Variants in SORBS2 observed in about 807,000 individuals in gnomAD.
SORBS2 encodes the protein sorbin and SH3 domain-containing protein 2.
Under a neutral mutation model 97.7 loss-of-function variants are expected in SORBS2, and 46 were observed. That is an observed-to-expected ratio of 0.47 (90% CI 0.37 to 0.60). SORBS2 has a LOEUF of 0.60. Among genes scored for constraint, SORBS2 ranks in the 20% least tolerant of loss-of-function variants. The probability of loss-of-function intolerance (pLI) is 0.00; values close to 1 mark genes in which losing one functional copy is unlikely to be tolerated. For missense variants in SORBS2, 1,316 were observed against 1,282.3 expected (o/e 1.03, Z -0.40); for synonymous variants, 476 against 473.4 (o/e 1.01, Z -0.07).
At chr4:185,626,522 T>C (rs912241542) in intron 6 of SORBS2, among the ~76,000 whole-genome samples, 1 of 152,264 alleles carries the variant, frequency 6.6e-6, no homozygotes, top group Admixed American at 6.5e-5. Flanking sequence ...TATATGTCAA[T>C]GTTTACAAAA....
rs2096828755 is a variant in SORBS2, at chr4:185,627,150, G to A, written c.447-131C>T. On this transcript the variant is annotated intron_variant, in intron 5 of 14. Transcript: ENST00000418609. ...TCTATCCCCAAAACTGCATTGCTAG[G>A]AACTCATCCCTTGATGTTCAACATG... 3 of 682,126 alleles carry A rather than the reference G, an allele frequency of 4.4e-6. No individual in the cohort carries two copies. The African/African-American group carries it at 5.3e-5, about 12-fold the overall frequency. The allele number at this position is 682,126 out of a possible 1,614,324, so 42.3% of individuals were successfully genotyped here.
exon 4 of SORBS2, chr4:185,646,770 A>G: frequency 6.2e-7 from 1 of 1,600,848 alleles, no homozygotes; most frequent in Non-Finnish European, 8.6e-7. Flanking sequence ...TGTCTGGAGG[A>G]TCCCAGTCAT....
chr4:185,832,194 A>G (rs2099205521), intron 1 of SORBS2, among the ~76,000 whole-genome samples: 1 of 152,194 alleles, frequency 6.6e-6, no homozygotes, highest in African/African-American at 2.4e-5. Context: ...TTATAGGTAG[A>G]CATTCCCTTG....
chr4:185,618,667 A>T, intron 8 of SORBS2, 36 bp from the exon 21 acceptor site: 1 of 1,425,526 alleles, frequency 7.0e-7, no homozygotes, highest in South Asian at 1.5e-5. Flanking sequence ...ACTAATTTAA[A>T]ATTTGAATTT....
intron 1 of SORBS2, among the ~76,000 whole-genome samples, chr4:185,816,015 T>C (rs1374837887): frequency 6.6e-6 from 1 of 152,246 alleles, no homozygotes; most frequent in East Asian, 1.9e-4. Context: ...AGTTAATAAG[T>C]TATGGAGTAA....
At chr4:185,877,262 A>C (rs1248708596) in intron 1 of SORBS2, among the ~76,000 whole-genome samples, 1 of 152,200 alleles carries the variant, frequency 6.6e-6, no homozygotes, top group African/African-American at 2.4e-5. Flanking sequence ...TTAGCTATAA[A>C]ATTAAAGGCT....
At position 185,623,744 on chromosome 4, in the gene SORBS2, T is replaced by C; in HGVS notation, c.1385A>G (p.Glu462Gly). The change falls in exon 7 of 15, where the codon GAA becomes GGA. Residue 462 changes from glutamate (E) to glycine (G), a missense_variant. By Grantham distance (98) the Glu-to-Gly change is moderately conservative. Coordinates refer to ENST00000418609, the Ensembl canonical transcript of SORBS2. The surrounding 1 kb of genome is among the most constrained non-coding windows in gnomAD (Gnocchi z 6.4). Reference sequence around the variant, plus strand: ...CCGAGCGGGGGGGCCGCTTTGATTTTCTTCCTCCAGCAAATACTCAATGGA... The same window carrying C: ...CCGAGCGGGGGGGCCGCTTTGATTTCCTTCCTCCAGCAAATACTCAATGGA... 1 of 1,614,162 alleles carries C rather than the reference T, an allele frequency of 6.2e-7. No homozygotes were observed. The highest frequency in any genetic ancestry group is 1.1e-5 in the South Asian group (1 of 91,084).
intron 1 of SORBS2, among the ~76,000 whole-genome samples, chr4:185,956,022 C>G (rs1045678392): frequency 3.9e-5 from 6 of 152,148 alleles, no homozygotes; most frequent in Non-Finnish European, 7.3e-5. Context: ...GTAAAGTGTT[C>G]CTTTATTCTG....
At chr4:185,920,798 A>C (rs560911436) in intron 1 of SORBS2, among the ~76,000 whole-genome samples, 1 of 152,376 alleles carries the variant, frequency 6.6e-6, no homozygotes, top group African/African-American at 2.4e-5. Flanking sequence ...GGAAAAGTGA[A>C]AGAAAAAGTG....
chr4:185,664,984 C>A (rs1196032914), intron 4 of SORBS2, among the ~76,000 whole-genome samples: 2 of 151,826 alleles, frequency 1.3e-5, no homozygotes, highest in African/African-American at 4.8e-5. Context: ...AACATTTTAG[C>A]CATTCACAGA....
intron 1 of SORBS2, among the ~76,000 whole-genome samples, chr4:185,795,916 CT>C (rs1315304070): frequency 3.3e-5 from 5 of 152,186 alleles, no homozygotes; most frequent in African/African-American, 9.7e-5. Flanking sequence ...TAGCCTGCTT[CT>C]ACTCCCAAAT....
chr4:185,861,341 G>T (rs1202969387), intron 1 of SORBS2, among the ~76,000 whole-genome samples: 3 of 136,082 alleles, frequency 2.2e-5, no homozygotes, highest in Non-Finnish European at 3.2e-5. Context: ...TCAGTCGGGT[G>T]GGGGGCTTAG....
intron 1 of SORBS2, among the ~76,000 whole-genome samples, chr4:185,941,484 G>A (rs1444846116): frequency 6.6e-6 from 1 of 152,108 alleles, no homozygotes; most frequent in East Asian, 1.9e-4. Flanking sequence ...ACATATAGGA[G>A]GCCCTCAAAA....
chr4:185,932,121 C>T (rs185368711), intron 1 of SORBS2, among the ~76,000 whole-genome samples: 8 of 151,466 alleles, frequency 5.3e-5, no homozygotes, highest in East Asian at 1.9e-4. Flanking sequence ...TAAACACACA[C>T]CTTGGTAAAC....
At chr4:185,686,122 T>TA (rs1367404419) in intron 2 of SORBS2, among the ~76,000 whole-genome samples, 1 of 152,138 alleles carries the variant, frequency 6.6e-6, no homozygotes, top group Non-Finnish European at 1.5e-5. Flanking sequence ...TTGAAAGTTA[T>TA]AAAAAAAGAC....
chr4:185,660,718 A>G (rs2097502859), upstream of SORBS2, among the ~76,000 whole-genome samples: 1 of 152,162 alleles, frequency 6.6e-6, no homozygotes, highest in South Asian at 2.1e-4. Flanking sequence ...TCTGTGTCAA[A>G]GAAGACATGG....
intron 2 of SORBS2, among the ~76,000 whole-genome samples, chr4:185,706,713 A>G (rs2098347157): frequency 6.6e-6 from 1 of 152,150 alleles, no homozygotes; most frequent in Non-Finnish European, 1.5e-5. Context: ...TCCTGTTCAT[A>G]TAATTTCATT....
intron 2 of SORBS2, among the ~76,000 whole-genome samples, chr4:185,744,094 C>T (rs769098218): frequency 1.4e-5 from 2 of 144,346 alleles, no homozygotes; most frequent in Non-Finnish European, 3.0e-5. Flanking sequence ...TCCACTTCCC[C>T]CTTTCTCTTC....
intron 5 of SORBS2, among the ~76,000 whole-genome samples, chr4:185,630,022 A>G (rs1370121043): frequency 6.6e-6 from 1 of 152,046 alleles, no homozygotes; most frequent in African/African-American, 2.4e-5. Context: ...TAAGTTACTA[A>G]GCCTAGGTGT....
Sources: gnomAD v4.1 joint callset for allele counts (sites outside exome capture counted in the v4.1 genomes callset) on GRCh38, gnomAD v4.1.1 for gene constraint, Gnocchi (gnomAD v3.1) non-coding constraint, MANE v1.5 for transcripts, NCBI Gene and HGNC (gene_info 2026-07-23, HGNC 2026-07-21) for gene names.